TMEM67: variants seen among roughly 807,000 people sequenced by gnomAD.
TMEM67 encodes transmembrane protein 67.
TMEM67 carries 124 observed loss-of-function variants against 136.6 expected under a neutral mutation model. That is an observed-to-expected ratio of 0.91 (90% confidence interval 0.78 to 1.05). The LOEUF (loss-of-function observed/expected upper bound fraction) is 1.05. Among genes scored for constraint, TMEM67 ranks in the 50% least tolerant of loss-of-function variants. TMEM67 has a pLI of 0.00. For synonymous variants in TMEM67, 364 were observed against 390.5 expected, an observed-to-expected ratio of 0.93 and a Z score of 0.80; for missense variants, 1,107 against 1,178.4, an observed-to-expected ratio of 0.94 and a Z score of 0.89.
At position 93,804,767 on chromosome 8, in the gene TMEM67, A is replaced by G. The variant is rs770599575; in HGVS notation, c.2328A>G (p.Ser776=). The change falls in exon 23 of 28, where the codon TCA becomes TCG. Residue 776 remains serine, a synonymous_variant. Transcript: ENST00000453321. ...TTTTTATTCTCTTTTTATAGATATC[A>G]GTGTTTCTGTTATCCCACAAATGTT... ...FVDLCSMSNI[S]VFLLSHKCFG... The G allele has an allele frequency of 2.6e-6, 4 of 1,559,646 alleles. No individual in the cohort carries two copies. The highest frequency in any genetic ancestry group is 2.2e-5 in the South Asian group (2 of 89,896).
At chr8:93,830,980 C>T in the TMEM67 span, among the ~76,000 whole-genome samples, 119 of 152,360 alleles carry the variant, frequency 7.8e-4, no homozygotes, top group African/African-American at 2.7e-3. Context: ...CCTTCCTCAG[C>T]TTGTGATGAT....
chr8:93,816,309 A>G (rs1808903419), intron 27 of TMEM67, 63 bp from the exon 28 acceptor site: 1 of 765,118 alleles, frequency 1.3e-6, no homozygotes, highest in South Asian at 1.9e-5. Context: ...AGATATTTTA[A>G]TCGACGTGCA....
chr8:93,778,255 G>A (rs549769188), intron 7 of TMEM67, among the ~76,000 whole-genome samples: 4 of 152,210 alleles, frequency 2.6e-5, no homozygotes, highest in East Asian at 1.9e-4. Context: ...GTCTTTGCAC[G>A]TGAGATGGGT....
Position 93,817,072 on chromosome 8 carries a change from T to C in TMEM67, c.*620T>C, listed in dbSNP as rs991897515. ...TTTGTATACCTGTATTAGGTCAGTATACGCTTTCCATGAAATATATTTGCA... is the reference window on the plus strand; with the variant it reads ...TTTGTATACCTGTATTAGGTCAGTACACGCTTTCCATGAAATATATTTGCA... On this transcript the variant is annotated 3_prime_UTR_variant, in exon 28 of 28. Coordinates refer to ENST00000453321, the MANE Select transcript of TMEM67 (RefSeq NM_153704.6). 2.0e-5 allele frequency: 3 copies of C among 152,268 alleles called. No homozygotes were observed. Among genetic ancestry groups the C allele is most frequent in the African/African-American group, 7.2e-5 (3 of 41,472 alleles). 9.4% of individuals were successfully genotyped at this position (152,268 alleles called of 1,614,324 possible).
At chr8:93,769,260 T>C (rs1586022257) in intron 6 of TMEM67, among the ~76,000 whole-genome samples, 1 of 152,274 alleles carries the variant, frequency 6.6e-6, no homozygotes, top group East Asian at 1.9e-4. Flanking sequence ...GAGCAAGGGG[T>C]ACCTGCTGCC....
At chr8:93,781,950 G>T (rs1051193999) in intron 10 of TMEM67, among the ~76,000 whole-genome samples, 1 of 150,836 alleles carries the variant, frequency 6.6e-6, no homozygotes, top group African/African-American at 2.4e-5. Context: ...ATGGAGTCTC[G>T]CTTTCTTAAC....
chr8:93,795,848 C>CAAA, intron 17 of TMEM67, 53 bp from the exon 18 acceptor site: 1 of 1,368,868 alleles, frequency 7.3e-7, no homozygotes, highest in Non-Finnish European at 1.0e-6. Flanking sequence ...AACAAACAAA[C>CAAA]AAACAAAAAA....
At chr8:93,812,966 C>T (rs1808758839) in intron 26 of TMEM67, among the ~76,000 whole-genome samples, 3 of 151,886 alleles carry the variant, frequency 2.0e-5, no homozygotes, top group African/African-American at 7.3e-5. Context: ...GAACCCCTGA[C>T]CTCATGTGAT....
chr8:93,799,909 T>A, intron 21 of TMEM67, 151 bp downstream of exon 21: 2 of 558,842 alleles, frequency 3.6e-6, no homozygotes, highest in South Asian at 2.4e-5. Context: ...CAGTTCTTTT[T>A]TTTTTTTTTT....
At chr8:93,756,932 G>A (rs1042525827) in intron 2 of TMEM67, 2 of 151,984 alleles carry the variant, frequency 1.3e-5, no homozygotes, top group African/African-American at 4.8e-5. Flanking sequence ...AAATGAGCTG[G>A]CTGTGGTGGC....
At position 93,808,464 on chromosome 8, in the gene TMEM67, T is replaced by TATCTATTATAGATATTTATCTATAATAG; in HGVS notation, c.2440-362_2440-335dup. Among the ~76,000 whole-genome samples, 55 of 60,122 alleles carry TATCTATTATAGATATTTATCTATAATAG rather than the reference T, an allele frequency of 9.1e-4. 8 individuals are homozygous for TATCTATTATAGATATTTATCTATAATAG. Among genetic ancestry groups the TATCTATTATAGATATTTATCTATAATAG allele is most frequent in the East Asian group, 9.8e-4 (3 of 3,072 alleles). 39.4% of individuals were successfully genotyped at this position (60,122 alleles called of 152,430 possible). On this transcript the variant is annotated intron_variant, in intron 23 of 27. Transcript: ENST00000453321. The stretch of plus-strand genomic sequence containing the variant: ...TATTTATTATATATAAATATATATT[T>TATCTATTATAGATATTTATCTATAATAG]ATCTATTATAGATATTTATCTATAA...
At chr8:93,830,477 G>A in the TMEM67 span, among the ~76,000 whole-genome samples, 1 of 152,174 alleles carries the variant, frequency 6.6e-6, no homozygotes, top group Admixed American at 6.5e-5. Flanking sequence ...ATCTGGGAGC[G>A]GGGGTGATCT....
rs1808919354 is a variant in TMEM67, at chr8:93,816,603, G to A, written c.*151G>A. On this transcript the variant is annotated 3_prime_UTR_variant, in exon 28 of 28. Coordinates refer to ENST00000453321, the MANE Select transcript of TMEM67 (RefSeq NM_153704.6). ...CAGAAAGATTTATTTTTATAACTTG[G>A]GAATATATAACCTGATATAATAGAA... is the stretch of plus-strand genomic sequence containing the variant. 5 of 520,670 alleles carry A rather than the reference G, an allele frequency of 9.6e-6. No individual in the cohort carries two copies. Among genetic ancestry groups the A allele is most frequent in the Middle Eastern group, 5.1e-4 (1 of 1,964 alleles). 32.3% of individuals were successfully genotyped at this position (520,670 alleles called of 1,614,324 possible).
chr8:93,825,944 C>G, the TMEM67 span, among the ~76,000 whole-genome samples: 2 of 152,076 alleles, frequency 1.3e-5, no homozygotes, highest in African/African-American at 2.4e-5. Context: ...CCTACTTGGC[C>G]TCCTATGATG....
rs1238113432 is a variant in TMEM67 at position 93,782,571 on chromosome 8, GT to G, written c.1131+130del. On this transcript the variant is annotated intron_variant, in intron 11 of 27. Transcript: ENST00000453321. ...TGAGATTGGAAATTTTTTATTCTTG[GT>G]TTTTTTTTTTTTTTTTTTGAGATGG... is the stretch of plus-strand genomic sequence containing the variant. The G allele has an allele frequency of 0.1, 46,612 of 452,454 alleles. 37 individuals are homozygous for G. The highest frequency in any genetic ancestry group is 0.13 in the Middle Eastern group (188 of 1,468). 28.0% of individuals were successfully genotyped at this position (452,454 alleles called of 1,614,324 possible).
rs773450158 is a variant in TMEM67, at chr8:93,797,360, C to G, written c.1990C>G (p.Pro664Ala). 7 of 1,614,016 alleles carry G rather than the reference C, an allele frequency of 4.3e-6. No individual in the cohort carries two copies. Among genetic ancestry groups the G allele is most frequent in the Non-Finnish European group, 5.9e-6 (7 of 1,179,970 alleles). Residue 664 changes from proline (P) to alanine (A), a missense_variant, in exon 20 of 28, where the codon CCT becomes GCT. Transcript: ENST00000453321. ...GGGTGGTGTACGAAGTGCCACTGTT[C>G]CTGTAAGCATATGGAGAACATATTT... Reference protein sequence around the residue: ...GEGGVRSATVPVSIWRTYFVA... With the variant: ...GEGGVRSATVAVSIWRTYFVA...
chr8:93,831,619 C>A, the TMEM67 span, among the ~76,000 whole-genome samples: 1 of 152,148 alleles, frequency 6.6e-6, no homozygotes, highest in Non-Finnish European at 1.5e-5. Context: ...GCCCTGCCTC[C>A]TTCCAGGTTT....
intron 6 of TMEM67, among the ~76,000 whole-genome samples, chr8:93,771,674 T>C (rs1273176106): frequency 6.6e-6 from 1 of 152,266 alleles, no homozygotes; most frequent in African/African-American, 2.4e-5. Context: ...TATTGCTTTA[T>C]AAAAGTATCA....
chr8:93,829,409 TG>T, the TMEM67 span, among the ~76,000 whole-genome samples: 3 of 152,072 alleles, frequency 2.0e-5, no homozygotes, highest in African/African-American at 7.2e-5. Flanking sequence ...TGTGTGTGTG[TG>T]TATCTTTTCA....
Sources: gnomAD v4.1 joint callset for allele counts (sites outside exome capture counted in the v4.1 genomes callset) on GRCh38, gnomAD v4.1.1 for gene constraint, MANE v1.5 for transcripts, NCBI Gene and HGNC (gene_info 2026-07-23, HGNC 2026-07-21) for gene names.